VSX2: variants seen among roughly 807,000 people sequenced by gnomAD.
The protein encoded by VSX2 is ceh-10 homeo domain containing homolog.
Under a neutral mutation model 32.1 loss-of-function variants are expected in VSX2, and 28 were observed. That is an observed-to-expected ratio of 0.87 (90% CI 0.65 to 1.20). VSX2 has a LOEUF of 1.20. Ranked by LOEUF, VSX2 falls within the 50% of genes most tolerant of loss-of-function variation. The pLI is 0.00. For synonymous variants in VSX2, 243 were observed against 214.1 expected (o/e 1.14, Z -1.18); for missense variants, 506 against 488.7 (o/e 1.04, Z -0.33).
At chr14:74,259,506 T>C in intron 3 of VSX2, 96 bp from the exon 4 acceptor site, 2 of 1,518,024 alleles carry the variant, frequency 1.3e-6, no homozygotes, top group East Asian at 2.3e-5. Context: ...AAGGACGCCC[T>C]GCTGGAGAAA....
intron 3 of VSX2, among the ~76,000 whole-genome samples, chr14:74,248,504 T>C (rs1282933669): frequency 2.0e-5 from 3 of 151,430 alleles, no homozygotes; most frequent in Admixed American, 6.6e-5. Context: ...CTGGACAACA[T>C]AGTGAAATCC....
chr14:74,249,947 G>A (rs2079218504), intron 3 of VSX2, among the ~76,000 whole-genome samples: 1 of 151,396 alleles, frequency 6.6e-6, no homozygotes, highest in South Asian at 2.1e-4. Flanking sequence ...TCTTCTTTGT[G>A]TCTTAAATAA....
chr14:74,249,796 C>T (rs538415054), intron 3 of VSX2, among the ~76,000 whole-genome samples: 18 of 152,240 alleles, frequency 1.2e-4, no homozygotes, highest in Middle Eastern at 3.4e-3. Context: ...AGCAGAAAGG[C>T]ATGATGATTT....
intron 2 of VSX2, among the ~76,000 whole-genome samples, chr14:74,244,948 G>T (rs1220594903): frequency 2.3e-5 from 1 of 42,692 alleles, no homozygotes; most frequent in Non-Finnish European, 4.5e-5. Flanking sequence ...GAGAGAAAGT[G>T]TGTGTGTGTG....
intron 2 of VSX2, among the ~76,000 whole-genome samples, chr14:74,241,907 A>G (rs2079152552): frequency 6.6e-6 from 1 of 152,228 alleles, no homozygotes; most frequent in African/African-American, 2.4e-5. Context: ...TAGCTGGAGT[A>G]GGGTGGACTG....
intron 3 of VSX2, among the ~76,000 whole-genome samples, chr14:74,258,729 G>A (rs2079284137): frequency 6.6e-6 from 1 of 152,066 alleles, no homozygotes; most frequent in African/African-American, 2.4e-5. Flanking sequence ...AGGGATTCTG[G>A]GATCCTAGAA....
chr14:74,245,521 C>T (rs1378090189), intron 3 of VSX2, among the ~76,000 whole-genome samples: 1 of 152,074 alleles, frequency 6.6e-6, no homozygotes, highest in Non-Finnish European at 1.5e-5. Context: ...TATAGGCTTC[C>T]CGGGGAGTAT....
intron 3 of VSX2, 51 bp from the exon 4 acceptor site, chr14:74,259,551 G>A (rs1367343566): frequency 6.2e-7 from 1 of 1,610,074 alleles, no homozygotes; most frequent in Admixed American, 1.7e-5. Context: ...TAAGGGCCTT[G>A]GGCCCAGCAC....
intron 2 of VSX2, among the ~76,000 whole-genome samples, chr14:74,242,190 G>A (rs1361345337): frequency 1.3e-5 from 2 of 152,094 alleles, no homozygotes; most frequent in Admixed American, 1.3e-4. Flanking sequence ...GCTGCTCGCA[G>A]GTGCTGCCCC....
chr14:74,239,967 G>C (rs544602655), intron 1 of VSX2, 36 bp downstream of exon 1: 2 of 1,544,238 alleles, frequency 1.3e-6, no homozygotes, highest in Non-Finnish European at 1.7e-6. Flanking sequence ...GCCTGACTGG[G>C]GGGCGACAGC....
intron 3 of VSX2, among the ~76,000 whole-genome samples, chr14:74,250,958 T>C (rs991036192): frequency 6.6e-6 from 1 of 151,604 alleles, no homozygotes; most frequent in African/African-American, 2.4e-5. Context: ...CAGGGCAGAT[T>C]TTTAAAATGC....
chr14:74,256,823 G>A (rs1398135918), intron 3 of VSX2, among the ~76,000 whole-genome samples: 1 of 151,746 alleles, frequency 6.6e-6, no homozygotes, highest in Non-Finnish European at 1.5e-5. Context: ...ACAGGTGTGC[G>A]CCACCGTGCC....
chr14:74,245,147 C>G lies in VSX2; in HGVS notation c.456-18C>G, dbSNP rs528252884. 6.8e-6 allele frequency: 11 copies of G among 1,613,320 alleles called. No individual in the cohort carries two copies. In the East Asian group the frequency reaches 1.3e-4, roughly 20 times the overall value. On this transcript the variant is annotated intron_variant, in intron 2 of 4. Transcript: ENST00000261980. ...TTTAGTTTCTGGGGTCCTGAGTGTT[C>G]GGTCTTGCTCCCCTCAGGACAATCT... is the stretch of plus-strand genomic sequence containing the variant.
intron 3 of VSX2, among the ~76,000 whole-genome samples, chr14:74,246,333 G>A (rs2079191603): frequency 6.6e-6 from 1 of 152,076 alleles, no homozygotes; most frequent in African/African-American, 2.4e-5. Context: ...ATGTGTGCCT[G>A]GGAGGCCGGG....
At chr14:74,249,272 TTTC>T (rs2079214763) in intron 3 of VSX2, among the ~76,000 whole-genome samples, 1 of 152,196 alleles carries the variant, frequency 6.6e-6, no homozygotes, top group South Asian at 2.1e-4. Flanking sequence ...TTCTTCTCTT[TTTC>T]TTCTTTTTTT....
chr14:74,244,998 G>GAC (rs1566884679), intron 2 of VSX2, among the ~76,000 whole-genome samples, 167 bp from the exon 3 acceptor site: 15 of 137,786 alleles, frequency 1.1e-4, no homozygotes, highest in Admixed American at 6.5e-4. Context: ...GAGAGAGAGA[G>GAC]AGAGAGAGAC....
intron 3 of VSX2, among the ~76,000 whole-genome samples, chr14:74,258,962 G>A (rs1363921468): frequency 6.6e-6 from 1 of 152,212 alleles, no homozygotes; most frequent in Non-Finnish European, 1.5e-5. Flanking sequence ...TGGGGAGCAG[G>A]TACCTGGAGG....
intron 4 of VSX2, 98 bp from the exon 5 acceptor site, chr14:74,260,496 C>G: frequency 6.5e-6 from 8 of 1,228,758 alleles, no homozygotes; most frequent in Non-Finnish European, 9.4e-6. Context: ...GCTTTCTGCT[C>G]GTCCTTAATT....
chr14:74,250,499 T>C (rs2079221428), intron 3 of VSX2, among the ~76,000 whole-genome samples: 1 of 152,212 alleles, frequency 6.6e-6, no homozygotes, highest in Non-Finnish European at 1.5e-5. Context: ...TCACCCCTCT[T>C]AGAAGTCTCG....
Sources: allele counts gnomAD v4.1 joint callset (sites outside exome capture counted in the v4.1 genomes callset), GRCh38; gene constraint gnomAD v4.1.1; transcripts MANE v1.5; gene names NCBI Gene and HGNC (gene_info 2026-07-23, HGNC 2026-07-21).